The following RIMS2 variants were observed in gnomAD, a reference collection of about 807,000 sequenced individuals.
RIMS2 encodes the protein regulating synaptic membrane exocytosis protein 2.
RIMS2 carries 59 observed loss-of-function variants against 174.4 expected under a neutral mutation model. The ratio of observed to expected loss-of-function variants is 0.34; its 90% CI spans 0.27 to 0.42. The LOEUF is 0.42. Ranked by LOEUF, RIMS2 falls within the 10% of genes least tolerant of loss-of-function variation. The probability of loss-of-function intolerance (pLI) is 1.00; values close to 1 mark genes in which losing one functional copy is unlikely to be tolerated. For missense variants in RIMS2, 1,620 were observed against 1,666.3 expected (o/e 0.97, Z 0.48); for synonymous variants, 606 against 572.5 (o/e 1.06, Z -0.84).
At chr8:103,805,808 T>C (rs1420573748) in intron 3 of RIMS2, among the ~76,000 whole-genome samples, 1 of 152,142 alleles carries the variant, frequency 6.6e-6, no homozygotes, top group Non-Finnish European at 1.5e-5. Context: ...GTTTTCTGTA[T>C]ATTTAATCTC....
intron 11 of RIMS2, among the ~76,000 whole-genome samples, chr8:103,929,403 A>G (rs2079443465): frequency 6.6e-6 from 1 of 151,816 alleles, no homozygotes; most frequent in East Asian, 1.9e-4. Flanking sequence ...TAACCCCCCA[A>G]AAGGTTCTCA....
intron 19 of RIMS2, among the ~76,000 whole-genome samples, chr8:104,100,992 T>C (rs918791198): frequency 2.9e-5 from 4 of 136,130 alleles, no homozygotes; most frequent in Admixed American, 1.5e-4. Flanking sequence ...TATTATATAG[T>C]ATATGTTATA....
chr8:104,128,446 C>A (rs2098448437), intron 19 of RIMS2, among the ~76,000 whole-genome samples: 1 of 152,190 alleles, frequency 6.6e-6, no homozygotes, highest in Non-Finnish European at 1.5e-5. Flanking sequence ...CCTGTAATCC[C>A]AGCACTTTGG....
At chr8:104,094,634 C>T (rs757160655) in intron 19 of RIMS2, 8 of 700,126 alleles carry the variant, frequency 1.1e-5, no homozygotes, top group South Asian at 3.0e-5. Flanking sequence ...AATCAGGAGA[C>T]GAGGAAAAAA....
chr8:103,823,360 G>A (rs757455418), intron 3 of RIMS2, among the ~76,000 whole-genome samples: 3 of 151,668 alleles, frequency 2.0e-5, no homozygotes, highest in South Asian at 2.1e-4. Flanking sequence ...ATAACCATAC[G>A]ATCCACTTTG....
intron 17 of RIMS2, among the ~76,000 whole-genome samples, chr8:103,990,419 G>A (rs1369192305): frequency 1.3e-5 from 2 of 152,064 alleles, no homozygotes; most frequent in South Asian, 4.1e-4. Flanking sequence ...GAAATTATAT[G>A]TAAGAAGTTA....
intron 1 of RIMS2, among the ~76,000 whole-genome samples, chr8:103,514,971 T>G (rs7844923): frequency 0.12 from 17,602 of 152,020 alleles, 1,353 homozygotes; most frequent in Non-Finnish European, 0.17. Flanking sequence ...ACTTCATTTT[T>G]TTCTGATTGA....
At chr8:104,227,441 A>C (rs1472218256) in intron 19 of RIMS2, among the ~76,000 whole-genome samples, 1 of 152,142 alleles carries the variant, frequency 6.6e-6, no homozygotes, top group Non-Finnish European at 1.5e-5. Flanking sequence ...CTAATGTAGG[A>C]TATTACTATG....
At chr8:103,978,119 A>G (rs898707648) in intron 16 of RIMS2, among the ~76,000 whole-genome samples, 9 of 152,240 alleles carry the variant, frequency 5.9e-5, no homozygotes, top group African/African-American at 2.2e-4. Flanking sequence ...AAGACATTCT[A>G]TCACTTAAGA....
At chr8:103,876,918 AC>A (rs200007987) in intron 3 of RIMS2, among the ~76,000 whole-genome samples, 1 of 125,020 alleles carries the variant, frequency 8.0e-6, no homozygotes, top group Non-Finnish European at 1.7e-5. Context: ...ATACACACAC[AC>A]CCCCATATAC....
At chr8:104,242,019 C>A (rs901446900) in intron 19 of RIMS2, among the ~76,000 whole-genome samples, 1 of 152,152 alleles carries the variant, frequency 6.6e-6, no homozygotes, top group African/African-American at 2.4e-5. Flanking sequence ...CTTAGCCTCC[C>A]AAAGTGCTGG....
At chr8:104,080,052 C>G (rs2097383836) in intron 19 of RIMS2, among the ~76,000 whole-genome samples, 1 of 151,912 alleles carries the variant, frequency 6.6e-6, no homozygotes, top group Non-Finnish European at 1.5e-5. Context: ...AATGGGCATA[C>G]AATTATTGAT....
At chr8:103,807,052 A>C (rs1474992081) in intron 3 of RIMS2, among the ~76,000 whole-genome samples, 1 of 152,126 alleles carries the variant, frequency 6.6e-6, no homozygotes, top group Non-Finnish European at 1.5e-5. Flanking sequence ...ATAAGGGCAA[A>C]GATATACAGA....
At chr8:103,590,094 T>A (rs1163158248) in intron 1 of RIMS2, among the ~76,000 whole-genome samples, 1 of 151,462 alleles carries the variant, frequency 6.6e-6, no homozygotes, top group Non-Finnish European at 1.5e-5. Context: ...TTGGATTGTT[T>A]GTAACTCAAA....
chr8:103,828,693 C>A (rs1333149582), intron 3 of RIMS2, among the ~76,000 whole-genome samples: 4 of 147,494 alleles, frequency 2.7e-5, no homozygotes, highest in African/African-American at 7.4e-5. Flanking sequence ...TTTTTATAGT[C>A]TTGGGTTTTA....
intron 3 of RIMS2, among the ~76,000 whole-genome samples, chr8:103,842,665 A>G (rs2098947057): frequency 6.6e-6 from 1 of 152,214 alleles, no homozygotes; most frequent in South Asian, 2.1e-4. Flanking sequence ...AACACGTAGA[A>G]TTGCTTTTCA....
rs78550265 is a variant in RIMS2, at chr8:104,030,991, G to A, written c.3334+16376G>A. 7.2e-3 allele frequency among the ~76,000 whole-genome samples: 1,094 copies of A among 152,164 alleles called. 16 individuals are homozygous for A. Among genetic ancestry groups the A allele is most frequent in the African/African-American group, 0.025 (1,034 of 41,512 alleles). On this transcript the variant is annotated intron_variant, in intron 19 of 23. Transcript: ENST00000504942. The stretch of plus-strand genomic sequence containing the variant: ...CAGACATGCCTGGATTATAGTAGGT[G>A]CTGAATATATATTTATTAAATGAAT...
At chr8:103,823,525 C>A (rs890265167) in intron 3 of RIMS2, among the ~76,000 whole-genome samples, 1 of 151,924 alleles carries the variant, frequency 6.6e-6, no homozygotes, top group Non-Finnish European at 1.5e-5. Flanking sequence ...TAAGCGGATT[C>A]TTTTCCTTTG....
intron 19 of RIMS2, among the ~76,000 whole-genome samples, chr8:104,078,688 A>G (rs1484350813): frequency 6.6e-6 from 1 of 152,200 alleles, no homozygotes; most frequent in Non-Finnish European, 1.5e-5. Context: ...TTTAAATTAA[A>G]ACTTTATTGC....
Sources: allele counts gnomAD v4.1 joint callset (sites outside exome capture counted in the v4.1 genomes callset), GRCh38; gene constraint gnomAD v4.1.1; transcripts MANE v1.5; gene names NCBI Gene and HGNC (gene_info 2026-07-23, HGNC 2026-07-21).